Variants in RGMB observed in about 807,000 individuals in gnomAD.
RGMB encodes the protein repulsive guidance molecule BMP co-receptor b.
RGMB carries 16 observed loss-of-function variants against 26.9 expected under a neutral mutation model. The observed-to-expected ratio is 0.60, with a 90% CI of 0.40 to 0.90. RGMB has a LOEUF of 0.90. Among genes scored for constraint, RGMB ranks in the 40% least tolerant of loss-of-function variants. The pLI, the probability that RGMB is intolerant of heterozygous loss-of-function variation, is 0.00. For missense variants in RGMB, 512 were observed against 573.3 expected, an observed-to-expected ratio of 0.89 and a Z score of 1.09; for synonymous variants, 225 against 229.3, an observed-to-expected ratio of 0.98 and a Z score of 0.17.
rs1218389566 is a variant in RGMB at position 98,794,428 on chromosome 5, G to A, written c.*675G>A. On this transcript the variant is annotated 3_prime_UTR_variant, in exon 3 of 3. Coordinates refer to ENST00000513185, the MANE Select transcript of RGMB (RefSeq NM_001366508.1). ...ATTGTTATATATTTGAGCCCATACA[G>A]TGTATTAGGTTGAACCATAGAAACT... 1.3e-5 allele frequency: 2 copies of A among 152,138 alleles called. No homozygotes were observed. The highest frequency in any genetic ancestry group is 4.8e-5 in the African/African-American group (2 of 41,436). 9.4% of individuals were successfully genotyped at this position (152,138 alleles called of 1,614,324 possible). A position where few individuals can be genotyped will look rare whatever the true frequency, so the allele number is the denominator to read the frequency against.
At chr5:98,768,926 C>T (rs1746060796), upstream of RGMB, 1 of 152,174 alleles carries the variant, frequency 6.6e-6, no homozygotes, top group Non-Finnish European at 1.5e-5. Context: ...GCATCTGGCG[C>T]CTTGGCCGGG....
chr5:98,774,785 G>T (rs186451991), intron 1 of RGMB, among the ~76,000 whole-genome samples: 38 of 152,268 alleles, frequency 2.5e-4, no homozygotes, highest in African/African-American at 8.9e-4. Context: ...TTTGTTCAGC[G>T]ATCAGCCTCC....
At position 98,793,509 on chromosome 5, in the gene RGMB, A is replaced by G. The variant is rs1454878380; in HGVS notation, c.1070A>G (p.Gln357Arg). ...TACACACTGGAGACTGCCAACACTC[A>G]ATGCCATGAGAAGATGCCAGTGAAG... ...PGYTLETANT[Q>R]CHEKMPVKDI... Residue 357 changes from glutamine to arginine, a missense_variant, in exon 3 of 3, where the codon CAA (glutamine) becomes CGA (arginine). Physicochemically the swap from Gln to Arg is conservative, Grantham distance 43 (BLOSUM62 1). Coordinates refer to ENST00000513185, the MANE Select transcript of RGMB (RefSeq NM_001366508.1). 6.2e-7 allele frequency: 1 copy of G among 1,613,866 alleles called. No individual in the cohort carries two copies. The highest frequency in any genetic ancestry group is 1.7e-5 in the Admixed American group (1 of 59,988).
rs1281001744 is a variant in RGMB, at chr5:98,793,294, G to A, written c.855G>A (p.Val285=). ...GGACCACAGTGTTTGTGCGGCAGGT[G>A]GGTCGCTACCTGACCCTTGCCATCC... The part of the protein sequence containing the change: ...YIGTTVFVRQ[V]GRYLTLAIRM... Residue 285 remains valine, a synonymous_variant, in exon 3 of 3, where the codon GTG becomes GTA. Transcript: ENST00000513185. 6.2e-7 allele frequency: 1 copy of A among 1,613,830 alleles called. No individual in the cohort carries two copies. Among genetic ancestry groups the A allele is most frequent in the Non-Finnish European group, 8.5e-7 (1 of 1,179,822 alleles).
In RGMB at chr5:98,794,041, A is replaced by G; in HGVS notation, c.*288A>G. On this transcript the variant is annotated 3_prime_UTR_variant, in exon 3 of 3. Coordinates refer to ENST00000513185, the MANE Select transcript of RGMB (RefSeq NM_001366508.1). ...AAGCACTTTATTTTTTATATATTAA[A>G]TATTTATGTGTGTGCTTGGTTGATA... 1 of 255,274 alleles carries G rather than the reference A, an allele frequency of 3.9e-6. No individual in the cohort carries two copies. The highest frequency in any genetic ancestry group is 7.3e-5 in the South Asian group (1 of 13,610). 15.8% of individuals were successfully genotyped at this position (255,274 alleles called of 1,614,324 possible).
chr5:98,792,522 C>A (rs1746959943), intron 2 of RGMB, among the ~76,000 whole-genome samples: 1 of 152,034 alleles, frequency 6.6e-6, no homozygotes, highest in Non-Finnish European at 1.5e-5. Context: ...TCGCTTGAGG[C>A]CAGGAGTTCA....
At chr5:98,778,435 T>C (rs1269869066) in intron 1 of RGMB, among the ~76,000 whole-genome samples, 1 of 152,216 alleles carries the variant, frequency 6.6e-6, no homozygotes, top group Non-Finnish European at 1.5e-5. Flanking sequence ...TAGAATAGCT[T>C]CCTCATTTCT....
intron 2 of RGMB, among the ~76,000 whole-genome samples, chr5:98,789,150 T>A (rs780870508): frequency 7.9e-5 from 12 of 152,258 alleles, no homozygotes; most frequent in Non-Finnish European, 1.5e-4. Context: ...TCAAGCTAGT[T>A]TCTGTGCCTC....
chr5:98,774,567 A>T (rs1580269456), intron 1 of RGMB, among the ~76,000 whole-genome samples: 1 of 152,266 alleles, frequency 6.6e-6, no homozygotes, highest in African/African-American at 2.4e-5. Flanking sequence ...ACTGAAAGTC[A>T]GGCTCGGATC....
rs1256652686 is a variant in RGMB at position 98,795,014 on chromosome 5, T to G, written c.*1261T>G. ...CCAGGTGGTCTGAAGTCAGGTACTC[T>G]CTCTCTCAACACCTGTAGTTGAATA... On this transcript the variant is annotated 3_prime_UTR_variant, in exon 3 of 3. Transcript: ENST00000513185. 6.6e-6 allele frequency: 1 copy of G among 152,198 alleles called. No homozygotes were observed. Among genetic ancestry groups the G allele is most frequent in the Non-Finnish European group, 1.5e-5 (1 of 68,038 alleles). 9.4% of individuals were successfully genotyped at this position (152,198 alleles called of 1,614,324 possible).
chr5:98,795,217 TA>T lies in RGMB; in HGVS notation c.*1467del, dbSNP rs1249604541. ...AGGTTTCTATTGTTATAGCTAGATG[TA>T]AATCTTTAGTTCCAAGAAGTGATAG... On this transcript the variant is annotated 3_prime_UTR_variant, in exon 3 of 3. Transcript: ENST00000513185. The T allele has an allele frequency of 1.3e-5, 2 of 152,236 alleles. No individual in the cohort carries two copies. Among genetic ancestry groups the T allele is most frequent in the African/African-American group, 4.8e-5 (2 of 41,466 alleles). The allele number at this position is 152,236 out of a possible 1,614,324, so 9.4% of individuals were successfully genotyped here.
At chr5:98,776,942 C>T (rs1435544873) in intron 1 of RGMB, among the ~76,000 whole-genome samples, 2 of 152,046 alleles carry the variant, frequency 1.3e-5, no homozygotes, top group Non-Finnish European at 1.5e-5. Context: ...CAAAATTAGC[C>T]GGGTGTGGTG....
Position 98,792,261 on chromosome 5 carries a change from C to T in RGMB, c.646-824C>T, listed in dbSNP as rs560673283. On this transcript the variant is annotated intron_variant, in intron 2 of 2. Coordinates refer to ENST00000513185, the MANE Select transcript of RGMB (RefSeq NM_001366508.1). The stretch of plus-strand genomic sequence containing the variant: ...GTTTGTAGTGGTGAGTCATGGGATA[C>T]AGTTTTTTAATCCTATGAAGAATCT... Among the ~76,000 whole-genome samples the T allele has an allele frequency of 7.9e-5, 12 of 152,262 alleles. No homozygotes were observed. In the South Asian group the frequency reaches 2.5e-3, roughly 32 times the overall value.
rs1378033083 is a variant in RGMB, at chr5:98,796,454, T to C, written c.*2701T>C. ...TGTGCAGTGTGTAAATACTTTAAATTATTATGCTAGAAAAATAAAGTTACA... is the reference window on the plus strand; with the variant it reads ...TGTGCAGTGTGTAAATACTTTAAATCATTATGCTAGAAAAATAAAGTTACA... On this transcript the variant is annotated 3_prime_UTR_variant, in exon 3 of 3. Coordinates refer to ENST00000513185, the MANE Select transcript of RGMB (RefSeq NM_001366508.1). 6.7e-6 allele frequency: 1 copy of C among 150,194 alleles called. No individual in the cohort carries two copies. The highest frequency in any genetic ancestry group is 1.9e-4 in the East Asian group (1 of 5,160). 9.3% of individuals were successfully genotyped at this position (150,194 alleles called of 1,614,324 possible).
chr5:98,780,298 G>T lies in RGMB; in HGVS notation c.645+210G>T, dbSNP rs141936984. The T allele has an allele frequency of 2.1e-3, 1,085 of 511,940 alleles. 26 individuals are homozygous for T. In the East Asian group the frequency reaches 0.032, roughly 15 times the overall value. The allele number at this position is 511,940 out of a possible 1,614,324, so 31.7% of individuals were successfully genotyped here. The stretch of plus-strand genomic sequence containing the variant: ...ACGTGGTTCTAATTTTAAATAGACA[G>T]TGATATAAAGAATAAAAAGTAAACA... On this transcript the variant is annotated intron_variant, in intron 2 of 2. Transcript: ENST00000513185.
chr5:98,792,585 G>T (rs905410591), intron 2 of RGMB, among the ~76,000 whole-genome samples: 1 of 18,008 alleles, frequency 5.6e-5, no homozygotes, highest in Non-Finnish European at 9.5e-5. Context: ...CATCCCCCCC[G>T]CCCCCCACCA....
At chr5:98,777,632 C>T (rs564250107) in intron 1 of RGMB, among the ~76,000 whole-genome samples, 3 of 152,174 alleles carry the variant, frequency 2.0e-5, no homozygotes, top group Non-Finnish European at 4.4e-5. Flanking sequence ...TGCAAAATGG[C>T]TTTAACGCCT....
chr5:98,771,217 AGTGGCAAGAAACAGG>A (rs1357503471), upstream of RGMB: 1 of 152,332 alleles, frequency 6.6e-6, no homozygotes, highest in African/African-American at 2.4e-5. Context: ...AAAGAGTACC[AGTGGCAAGAAACAGG>A]GTGGATGTGT....
intron 2 of RGMB, among the ~76,000 whole-genome samples, chr5:98,785,540 A>G (rs1330278000): frequency 6.6e-6 from 1 of 152,148 alleles, no homozygotes; most frequent in Non-Finnish European, 1.5e-5. Context: ...CACAGTAAGA[A>G]TGCTCACCTG....
Sources: allele counts gnomAD v4.1 joint callset (sites outside exome capture counted in the v4.1 genomes callset), GRCh38; gene constraint gnomAD v4.1.1; transcripts MANE v1.5; gene names NCBI Gene and HGNC (gene_info 2026-07-23, HGNC 2026-07-21).